The following ZCCHC8 variants were observed in gnomAD, a reference collection of about 807,000 sequenced individuals.
ZCCHC8 encodes the protein zinc finger CCHC-type containing 8.
ZCCHC8 carries 27 observed loss-of-function variants against 70.6 expected under a neutral mutation model. That is an observed-to-expected ratio of 0.38 (90% CI 0.28 to 0.53). The LOEUF is 0.53. Ranked by LOEUF, ZCCHC8 falls within the 20% of genes least tolerant of loss-of-function variation. The pLI is 0.81. For synonymous variants in ZCCHC8, 293 were observed against 317.4 expected (o/e 0.92, Z 0.82); for missense variants, 737 against 876.9 (o/e 0.84, Z 2.01).
chr12:122,500,510 G>C lies in ZCCHC8; in HGVS notation c.199+132C>G. 1 of 1,158,366 alleles carries C rather than the reference G, an allele frequency of 8.6e-7. No individual in the cohort carries two copies. Among genetic ancestry groups the C allele is most frequent in the Non-Finnish European group, 1.2e-6 (1 of 848,438 alleles). The allele number at this position is 1,158,366 out of a possible 1,614,324, so 71.8% of individuals were successfully genotyped here. A position where few individuals can be genotyped will look rare whatever the true frequency, so the allele number is the denominator to read the frequency against. ...TCGGTCCGCCGGCGGGTGACAGAAA[G>C]CACTTGGAATTCTGGCCCTCCTGGA... is the stretch of plus-strand genomic sequence containing the variant. On this transcript the variant is annotated intron_variant, in intron 1 of 13. Coordinates refer to ENST00000633063, the MANE Select transcript of ZCCHC8 (RefSeq NM_017612.5). The surrounding 1 kb of genome is among the most constrained non-coding windows in gnomAD (Gnocchi z 4.8).
intron 3 of ZCCHC8, among the ~76,000 whole-genome samples, chr12:122,491,529 C>CA (rs555175551): frequency 0.11 from 7,145 of 63,158 alleles, 970 homozygotes; most frequent in African/African-American, 0.29. Context: ...AACTCCATCT[C>CA]AAAAAAAAAA....
intron 2 of ZCCHC8, among the ~76,000 whole-genome samples, chr12:122,498,158 C>CTTTT (rs11449631): frequency 4.6e-5 from 6 of 131,220 alleles, no homozygotes; most frequent in Non-Finnish European, 4.7e-5. Flanking sequence ...ATACTGTAAT[C>CTTTT]TTTTTTTTTT....
chr12:122,496,918 G>A (rs1335104489), intron 2 of ZCCHC8, among the ~76,000 whole-genome samples: 1 of 152,032 alleles, frequency 6.6e-6, no homozygotes, highest in South Asian at 2.1e-4. Context: ...AAGCCGAGGC[G>A]GGCAGATCAT....
At chr12:122,476,184 CAG>C (rs1385853017) in intron 13 of ZCCHC8, among the ~76,000 whole-genome samples, 11 of 152,336 alleles carry the variant, frequency 7.2e-5, no homozygotes, top group East Asian at 3.9e-4. Context: ...CCCGAGGTGA[CAG>C]AGAGTGGTAA....
At chr12:122,488,023 C>T (rs566939784) in intron 5 of ZCCHC8, among the ~76,000 whole-genome samples, 7 of 151,730 alleles carry the variant, frequency 4.6e-5, no homozygotes, top group Middle Eastern at 3.4e-3. Context: ...TCCATGCCAC[C>T]ACACTTGGCT....
Position 122,483,273 on chromosome 12 carries a change from A to G in ZCCHC8, c.671+6T>C. ...TAAGTAAAACAAAACAACTCCCCAC[A>G]CAAACCTTTTTGCCTTTACTTGTAT... On this transcript the variant is annotated splice_donor_region_variant and intron_variant, in intron 7 of 13. Coordinates refer to ENST00000633063, the MANE Select transcript of ZCCHC8 (RefSeq NM_017612.5). The surrounding 1 kb of genome is among the most constrained non-coding windows in gnomAD (Gnocchi z 4.4). 6.3e-7 allele frequency: 1 copy of G among 1,589,072 alleles called. No homozygotes were observed. The highest frequency in any genetic ancestry group is 8.6e-7 in the Non-Finnish European group (1 of 1,166,348).
rs1211033987 is a variant in ZCCHC8 at position 122,483,784 on chromosome 12, G to A, written c.502-221C>T. ...CAGTTTTTCCTCTGTATTGGATCAT[G>A]ACTATCAGCTGCATTCTCTACAGAA... On this transcript the variant is annotated intron_variant, in intron 5 of 13. Transcript: ENST00000633063. The surrounding 1 kb of genome is among the most constrained non-coding windows in gnomAD (Gnocchi z 4.4). The A allele has an allele frequency of 2.1e-6, 1 of 487,150 alleles. No individual in the cohort carries two copies. The allele number at this position is 487,150 out of a possible 1,614,324, so 30.2% of individuals were successfully genotyped here.
intron 2 of ZCCHC8, among the ~76,000 whole-genome samples, chr12:122,495,925 T>TG (rs1957820744): frequency 6.8e-6 from 1 of 146,994 alleles, no homozygotes; most frequent in African/African-American, 2.5e-5. Context: ...CCCAGGACTT[T>TG]GGGAGGCTGA....
chr12:122,478,072 G>T, intron 12 of ZCCHC8, 114 bp from the exon 13 acceptor site: 2 of 1,192,458 alleles, frequency 1.7e-6, no homozygotes, highest in Non-Finnish European at 2.4e-6. Context: ...CTAGGTAATT[G>T]GTGAATTTTG....
chr12:122,500,786 G>A lies in ZCCHC8; in HGVS notation c.55C>T (p.Pro19Ser). The A allele has an allele frequency of 6.3e-7, 1 of 1,590,320 alleles. No individual in the cohort carries two copies. Among genetic ancestry groups the A allele is most frequent in the Non-Finnish European group, 8.6e-7 (1 of 1,168,828 alleles). Residue 19 changes from proline to serine, a missense_variant, in exon 1 of 14, where the codon CCA (proline) becomes TCA (serine). Transcript: ENST00000633063. The surrounding 1 kb of genome is among the most constrained non-coding windows in gnomAD (Gnocchi z 4.8). ...DLELFEPFDH[P>S]EESIPKPVHT... ...ACGGGCTTCGGAATCGACTCCTCTG[G>A]GTGGTCGAACGGCTCGAAGAGCTCT...
rs1389910522 is a variant in ZCCHC8 at position 122,472,861 on chromosome 12, G to A, written c.*636C>T. The A allele has an allele frequency of 6.6e-6, 1 of 152,070 alleles. No homozygotes were observed. The highest frequency in any genetic ancestry group is 1.5e-5 in the Non-Finnish European group (1 of 68,022). The allele number at this position is 152,070 out of a possible 1,614,324, so 9.4% of individuals were successfully genotyped here. ...AAGGTTATATACACTGATTTTACCTGTGAATCACTTTTTTGTATTCAAAGT... is the reference window on the plus strand; with the variant it reads ...AAGGTTATATACACTGATTTTACCTATGAATCACTTTTTTGTATTCAAAGT... On this transcript the variant is annotated 3_prime_UTR_variant, in exon 14 of 14. Coordinates refer to ENST00000633063, the MANE Select transcript of ZCCHC8 (RefSeq NM_017612.5).
intron 5 of ZCCHC8, among the ~76,000 whole-genome samples, chr12:122,488,702 C>G (rs1014958149): frequency 6.6e-5 from 10 of 151,780 alleles, no homozygotes; most frequent in African/African-American, 2.2e-4. Flanking sequence ...GAAACCCTGT[C>G]CCTACTAAAA....
At chr12:122,487,560 T>C (rs369186144) in intron 5 of ZCCHC8, among the ~76,000 whole-genome samples, 25 of 152,346 alleles carry the variant, frequency 1.6e-4, no homozygotes, top group Admixed American at 5.2e-4. Flanking sequence ...CTTTTTTCTT[T>C]TGAATGCCAG....
chr12:122,479,738 A>G (rs1957493607), intron 11 of ZCCHC8, among the ~76,000 whole-genome samples: 1 of 152,246 alleles, frequency 6.6e-6, no homozygotes, highest in Non-Finnish European at 1.5e-5. Flanking sequence ...GTTGATGAAT[A>G]TAAGACTTCA....
intron 5 of ZCCHC8, among the ~76,000 whole-genome samples, chr12:122,489,123 A>G (rs928554735): frequency 1.3e-5 from 2 of 152,182 alleles, no homozygotes; most frequent in African/African-American, 4.8e-5. Flanking sequence ...CTATATCTTC[A>G]TCCAACTTCT....
At chr12:122,475,164 C>T (rs915178614) in intron 13 of ZCCHC8, among the ~76,000 whole-genome samples, 7 of 152,144 alleles carry the variant, frequency 4.6e-5, no homozygotes, top group Non-Finnish European at 1.5e-5. Flanking sequence ...TCTTCTGCCT[C>T]TGCCTCCCAA....
rs1327755730 is a variant in ZCCHC8, at chr12:122,494,673, G to T, written c.243-1884C>A. ...GATGGAGACCATCCTGGCTAACACG[G>T]TGAAACCCCGACTCTACCAAAAATA... On this transcript the variant is annotated intron_variant, in intron 2 of 13. Coordinates refer to ENST00000633063, the MANE Select transcript of ZCCHC8 (RefSeq NM_017612.5). Among the ~76,000 whole-genome samples, 9 of 152,114 alleles carry T rather than the reference G, an allele frequency of 5.9e-5. No individual in the cohort carries two copies. The East Asian group carries it at 1.7e-3, about 29-fold the overall frequency.
intron 11 of ZCCHC8, among the ~76,000 whole-genome samples, chr12:122,479,634 A>T (rs1292050242): frequency 6.6e-6 from 1 of 152,216 alleles, no homozygotes; most frequent in Non-Finnish European, 1.5e-5. Flanking sequence ...TATTGTTAAA[A>T]ACTTTTAAAA....
At chr12:122,478,118 G>T in intron 12 of ZCCHC8, 88 bp downstream of exon 12, 1 of 1,308,878 alleles carries the variant, frequency 7.6e-7, no homozygotes, top group Non-Finnish European at 1.1e-6. Flanking sequence ...AGATAACAAA[G>T]CAAGAAAAGG....
Sources: gnomAD v4.1 joint callset for allele counts (sites outside exome capture counted in the v4.1 genomes callset) on GRCh38, gnomAD v4.1.1 for gene constraint, Gnocchi (gnomAD v3.1) non-coding constraint, MANE v1.5 for transcripts, NCBI Gene and HGNC (gene_info 2026-07-23, HGNC 2026-07-21) for gene names.